Variants in CNBP observed in about 807,000 individuals in gnomAD.
The protein encoded by CNBP is cellular nucleic acid-binding protein.
CNBP carries 6 observed loss-of-function variants against 21.2 expected under a neutral mutation model. That is an observed-to-expected ratio of 0.28 (90% CI 0.16 to 0.56). CNBP has a LOEUF of 0.56. Ranked by LOEUF, CNBP falls within the 20% of genes least tolerant of loss-of-function variation. CNBP has a pLI of 0.93. For synonymous variants in CNBP, 61 were observed against 74.9 expected, an observed-to-expected ratio of 0.81 and a Z score of 0.96; for missense variants, 112 against 233.1, an observed-to-expected ratio of 0.48 and a Z score of 3.38.
rs371274750 is a variant in CNBP, at chr3:129,181,651, G to GAAAAA, written c.-15+2120_-15+2124dup. On this transcript the variant is annotated intron_variant, in intron 1 of 4. Coordinates refer to ENST00000422453, the MANE Select transcript of CNBP (RefSeq NM_003418.5). ...GGCGACAGAGTGAGACTCCGTCTCA[G>GAAAAA]AAAAAAAAAAAGAAAAACCCCTGGT... is the stretch of plus-strand genomic sequence containing the variant. Among the ~76,000 whole-genome samples the GAAAAA allele has an allele frequency of 2.6e-5, 3 of 115,342 alleles. 1 individual carries two copies. The highest frequency in any genetic ancestry group is 6.5e-5 in the African/African-American group (2 of 30,596). 75.7% of individuals were successfully genotyped at this position (115,342 alleles called of 152,430 possible).
At chr3:129,181,189 G>A (rs573625007) in intron 1 of CNBP, among the ~76,000 whole-genome samples, 2 of 137,460 alleles carry the variant, frequency 1.5e-5, no homozygotes, top group African/African-American at 5.7e-5. Context: ...GCTGTGAGCC[G>A]AGACTGTGCC....
chr3:129,176,730 GA>G (rs1203172687), intron 1 of CNBP, among the ~76,000 whole-genome samples: 2 of 152,150 alleles, frequency 1.3e-5, no homozygotes, highest in Admixed American at 1.3e-4. Context: ...AATCATAGGT[GA>G]GATTCTGCCC....
chr3:129,172,661 CAG>C (rs1937621598), intron 1 of CNBP, among the ~76,000 whole-genome samples: 1 of 82,946 alleles, frequency 1.2e-5, no homozygotes, highest in South Asian at 4.5e-4. Flanking sequence ...GGCAGGCAGA[CAG>C]ACAGACAGAC....
Position 129,171,507 on chromosome 3 carries a change from G to A in CNBP, c.156C>T (p.Asp52=), listed in dbSNP as rs4303883. The A allele has an allele frequency of 0.93, 1,506,588 of 1,614,018 alleles. 714,807 individuals are homozygous for A. The highest frequency in any genetic ancestry group is 0.97 in the Non-Finnish European group (1,150,152 of 1,179,970). The change falls in exon 3 of 5, where the codon GAC becomes GAT. Residue 52 remains aspartate, a synonymous_variant. Coordinates refer to ENST00000422453, the MANE Select transcript of CNBP (RefSeq NM_003418.5). ...GFQFVSSSLP[D]ICYRCGESGH... ...CAGACTCACCACAGCGATAACAAAT[G>A]TCTGGAAGAGACGAGGAAACAAACT... is the stretch of plus-strand genomic sequence containing the variant.
rs1440929873 is a variant in CNBP, at chr3:129,181,796, A to AT, written c.-15+1979dup. ...GTTCCTCAGAAAAACACAAACTGTT[A>AT]TTTTTTTAAAGAAAAACTTATCAAG... is the stretch of plus-strand genomic sequence containing the variant. On this transcript the variant is annotated intron_variant, in intron 1 of 4. Transcript: ENST00000422453. Among the ~76,000 whole-genome samples the AT allele has an allele frequency of 4.6e-5, 7 of 152,030 alleles. No individual in the cohort carries two copies. In the East Asian group the frequency reaches 7.7e-4, roughly 17 times the overall value.
In CNBP at chr3:129,170,151, G is replaced by C; in HGVS notation, c.*302C>G. 3.0e-6 allele frequency: 1 copy of C among 329,626 alleles called. No individual in the cohort carries two copies. The highest frequency in any genetic ancestry group is 5.7e-6 in the Non-Finnish European group (1 of 176,194). 20.4% of individuals were successfully genotyped at this position (329,626 alleles called of 1,614,324 possible). A position where few individuals can be genotyped will look rare whatever the true frequency, so the allele number is the denominator to read the frequency against. ...ATGGGAACATGTTCAAGGAACCCAG[G>C]ACGGGCTTACTGGTCTGACTCAACT... On this transcript the variant is annotated 3_prime_UTR_variant, in exon 5 of 5. Transcript: ENST00000422453.
chr3:129,179,563 T>G (rs553027692), intron 1 of CNBP, among the ~76,000 whole-genome samples: 1 of 152,224 alleles, frequency 6.6e-6, no homozygotes, highest in South Asian at 2.1e-4. Context: ...TGCTCCATTT[T>G]AATGACAAAC....
At position 129,170,013 on chromosome 3, in the gene CNBP, T is replaced by G. The variant is rs1022785470; in HGVS notation, c.*440A>C. On this transcript the variant is annotated 3_prime_UTR_variant, in exon 5 of 5. Coordinates refer to ENST00000422453, the MANE Select transcript of CNBP (RefSeq NM_003418.5). ...ATGTAGGGCCTGATACAGATGTTACTTGATGTTATTTAATAGCTACTGAGG... is the reference window on the plus strand; with the variant it reads ...ATGTAGGGCCTGATACAGATGTTACGTGATGTTATTTAATAGCTACTGAGG... The G allele has an allele frequency of 1.2e-5, 3 of 242,272 alleles. No individual in the cohort carries two copies. Among genetic ancestry groups the G allele is most frequent in the African/African-American group, 4.4e-5 (2 of 45,442 alleles). 15.0% of individuals were successfully genotyped at this position (242,272 alleles called of 1,614,324 possible). A position where few individuals can be genotyped will look rare whatever the true frequency, so the allele number is the denominator to read the frequency against.
At chr3:129,181,064 A>G (rs1938252052) in intron 1 of CNBP, among the ~76,000 whole-genome samples, 2 of 150,370 alleles carry the variant, frequency 1.3e-5, no homozygotes, top group South Asian at 2.1e-4. Flanking sequence ...ACATGGTGAA[A>G]CCCCGTCTCT....
chr3:129,173,643 AAATT>A (rs1303481972), intron 1 of CNBP, among the ~76,000 whole-genome samples: 2 of 152,262 alleles, frequency 1.3e-5, no homozygotes, highest in African/African-American at 2.4e-5. Flanking sequence ...ATCTAAAAAT[AAATT>A]GAGGCTATTC....
At chr3:129,173,190 G>A (rs866838870) in intron 1 of CNBP, among the ~76,000 whole-genome samples, 4 of 152,058 alleles carry the variant, frequency 2.6e-5, no homozygotes, top group Admixed American at 6.6e-5. Context: ...ACAATACAAT[G>A]TTAACAACTA....
intron 1 of CNBP, among the ~76,000 whole-genome samples, chr3:129,176,537 T>C (rs1400576327): frequency 2.6e-5 from 4 of 152,188 alleles, no homozygotes; most frequent in African/African-American, 7.2e-5. Flanking sequence ...CAGGTGTCTT[T>C]AGCAATTTGG....
intron 1 of CNBP, among the ~76,000 whole-genome samples, chr3:129,175,199 C>T (rs1158468963): frequency 6.6e-6 from 1 of 151,936 alleles, no homozygotes; most frequent in African/African-American, 2.4e-5. Context: ...GGTAACGCGC[C>T]TGTAGTCCTA....
chr3:129,171,328 G>A (rs1937563566), intron 3 of CNBP, 51 bp from the exon 4 acceptor site: 1 of 1,608,226 alleles, frequency 6.2e-7, no homozygotes, highest in Admixed American at 1.7e-5. Flanking sequence ...CCTTTACAAA[G>A]TGTTACGTTT....
chr3:129,170,094 T>C lies in CNBP; in HGVS notation c.*359A>G, dbSNP rs762456914. The C allele has an allele frequency of 8.9e-5, 25 of 281,604 alleles. No individual in the cohort carries two copies. The highest frequency in any genetic ancestry group is 1.2e-4 in the Non-Finnish European group (18 of 146,012). The allele number at this position is 281,604 out of a possible 1,614,324, so 17.4% of individuals were successfully genotyped here. A position where few individuals can be genotyped will look rare whatever the true frequency, so the allele number is the denominator to read the frequency against. On this transcript the variant is annotated 3_prime_UTR_variant, in exon 5 of 5. Coordinates refer to ENST00000422453, the MANE Select transcript of CNBP (RefSeq NM_003418.5). ...AATTAAAGTTATTTATGGAAGTTCATAGACACTTCCAGAATTGGTTTTACC... is the reference window on the plus strand; with the variant it reads ...AATTAAAGTTATTTATGGAAGTTCACAGACACTTCCAGAATTGGTTTTACC...
In CNBP at chr3:129,168,680, G is replaced by T. The variant is rs1049535034; in HGVS notation, c.*1773C>A. On this transcript the variant is annotated 3_prime_UTR_variant, in exon 5 of 5. Coordinates refer to ENST00000422453, the MANE Select transcript of CNBP (RefSeq NM_003418.5). ...AATGGTATTAAAACTGTTCAGAATC[G>T]GCCAGACACGGTGGCTCGCACCTGT... Among the ~76,000 whole-genome samples the T allele has an allele frequency of 6.7e-6, 1 of 150,138 alleles. No individual in the cohort carries two copies. The highest frequency in any genetic ancestry group is 2.5e-5 in the African/African-American group (1 of 40,782).
intron 1 of CNBP, among the ~76,000 whole-genome samples, chr3:129,177,100 T>C (rs151328161): frequency 3.9e-5 from 6 of 152,356 alleles, no homozygotes; most frequent in African/African-American, 1.2e-4. Flanking sequence ...ATTTCAGTAC[T>C]ATTTTATGCA....
intron 1 of CNBP, among the ~76,000 whole-genome samples, chr3:129,176,026 C>T (rs532672533): frequency 6.6e-6 from 1 of 152,280 alleles, no homozygotes; most frequent in East Asian, 1.9e-4. Context: ...CCACTTTCCA[C>T]AATGTTTTAG....
chr3:129,178,899 C>G (rs1199523889), intron 1 of CNBP, among the ~76,000 whole-genome samples: 1 of 152,130 alleles, frequency 6.6e-6, no homozygotes, highest in East Asian at 1.9e-4. Flanking sequence ...CCCACCACGA[C>G]GCCTGGCTAC....
Sources: gnomAD v4.1 joint callset for allele counts (sites outside exome capture counted in the v4.1 genomes callset) on GRCh38, gnomAD v4.1.1 for gene constraint, MANE v1.5 for transcripts, NCBI Gene and HGNC (gene_info 2026-07-23, HGNC 2026-07-21) for gene names.